Variants in RETSAT observed in about 807,000 individuals in gnomAD.
RETSAT encodes the protein retinol saturase.
In RETSAT, 35 loss-of-function variants were observed where a neutral mutation model predicts 61.6. That is an observed-to-expected ratio of 0.57 (90% CI 0.43 to 0.75). The LOEUF (loss-of-function observed/expected upper bound fraction) is 0.75, where lower values mean the gene tolerates loss of function less well. Ranked by LOEUF, RETSAT falls within the 30% of genes least tolerant of loss-of-function variation. RETSAT has a pLI of 0.00. For missense variants in RETSAT, 670 were observed against 759.5 expected (o/e 0.88, Z 1.38); for synonymous variants, 277 against 310.4 (o/e 0.89, Z 1.13).
chr2:85,343,570 G>A, intron 10 of RETSAT, 69 bp downstream of exon 10: 1 of 1,589,766 alleles, frequency 6.3e-7, no homozygotes, highest in Non-Finnish European at 8.6e-7. Flanking sequence ...CCTGAGGGCA[G>A]GAACAGAGGA....
rs764840409 is a variant in RETSAT, at chr2:85,344,213, C to T, written c.1366+26G>A. 9.3e-6 allele frequency: 15 copies of T among 1,614,036 alleles called. No individual in the cohort carries two copies. In the African/African-American group the frequency reaches 1.3e-4, roughly 14 times the overall value. ...CTACTGCCCGGCCTCTCCCTCCACC[C>T]CCTCACCCGGGACGTGCAGCCCCAC... is the stretch of plus-strand genomic sequence containing the variant. On this transcript the variant is annotated intron_variant, in intron 8 of 10. Coordinates refer to ENST00000295802, the MANE Select transcript of RETSAT (RefSeq NM_017750.4).
intron 1 of RETSAT, among the ~76,000 whole-genome samples, chr2:85,353,272 G>A (rs1683345086): frequency 6.6e-6 from 1 of 152,220 alleles, no homozygotes; most frequent in Non-Finnish European, 1.5e-5. Context: ...TGACAACATG[G>A]TGAAACCCTG....
At chr2:85,346,462 C>T (rs550622851) in intron 5 of RETSAT, among the ~76,000 whole-genome samples, 3 of 152,278 alleles carry the variant, frequency 2.0e-5, no homozygotes, top group African/African-American at 7.2e-5. Context: ...CTTTAATACC[C>T]TCCAATCGGG....
intron 2 of RETSAT, chr2:85,351,336 G>A: frequency 2.3e-6 from 1 of 442,354 alleles, no homozygotes. Flanking sequence ...GACCAGCCTG[G>A]ACAACATGGA....
In RETSAT at chr2:85,343,032, G is replaced by A. The variant is rs1391579872; in HGVS notation, c.*210C>T. Reference sequence around the variant, plus strand: ...TTAGTAGGGATGGCATGTTATAAAAGGCGTAAAGATCTCACCTGCCCCAGC... The same window carrying A: ...TTAGTAGGGATGGCATGTTATAAAAAGCGTAAAGATCTCACCTGCCCCAGC... On this transcript the variant is annotated 3_prime_UTR_variant, in exon 11 of 11. Coordinates refer to ENST00000295802, the MANE Select transcript of RETSAT (RefSeq NM_017750.4). 1.8e-6 allele frequency: 1 copy of A among 545,888 alleles called. No individual in the cohort carries two copies. The highest frequency in any genetic ancestry group is 1.9e-5 in the African/African-American group (1 of 52,998). 33.8% of individuals were successfully genotyped at this position (545,888 alleles called of 1,614,324 possible). A position where few individuals can be genotyped will look rare whatever the true frequency, so the allele number is the denominator to read the frequency against.
At chr2:85,345,585 A>C in intron 6 of RETSAT, 1 of 354,146 alleles carries the variant, frequency 2.8e-6, no homozygotes. Flanking sequence ...AGGTGGCGGG[A>C]CCTCTTAGCT....
At chr2:85,350,686 G>A (rs968841950) in intron 3 of RETSAT, 94 bp downstream of exon 3, 34 of 1,439,700 alleles carry the variant, frequency 2.4e-5, no homozygotes, top group African/African-American at 5.6e-5. Context: ...CCTGCCTCCC[G>A]CACTGCACTC....
At chr2:85,345,859 G>A (rs1300136864) in intron 6 of RETSAT, 116 bp downstream of exon 6, 1 of 1,316,544 alleles carries the variant, frequency 7.6e-7, no homozygotes, top group Non-Finnish European at 1.1e-6. Flanking sequence ...GTTGCTTAAG[G>A]ACAATCAGAG....
At chr2:85,348,649 AAAG>A (rs1683244316) in intron 5 of RETSAT, among the ~76,000 whole-genome samples, 1 of 151,432 alleles carries the variant, frequency 6.6e-6, no homozygotes, top group South Asian at 2.1e-4. Flanking sequence ...AAAAAAAAAA[AAAG>A]AAGACAGTCA....
intron 5 of RETSAT, among the ~76,000 whole-genome samples, chr2:85,348,943 G>T (rs1683252584): frequency 6.6e-6 from 1 of 151,734 alleles, no homozygotes; most frequent in East Asian, 2.0e-4. Context: ...TAGAGACGGG[G>T]TTTCACCGTA....
At chr2:85,348,863 G>A (rs1221089119) in intron 5 of RETSAT, among the ~76,000 whole-genome samples, 8 of 150,692 alleles carry the variant, frequency 5.3e-5, no homozygotes, top group Admixed American at 1.3e-4. Context: ...CAATTCTTCC[G>A]CCTCAGCCTC....
rs1414589594 is a variant in RETSAT at position 85,350,837 on chromosome 2, G to A, written c.540C>T (p.Leu180=). The A allele has an allele frequency of 6.2e-7, 1 of 1,614,126 alleles. No homozygotes were observed. Among genetic ancestry groups the A allele is most frequent in the African/African-American group, 1.3e-5 (1 of 75,024 alleles). ...YSGEKAYIQG[L]KEKFPQEEAI... is the part of the protein sequence containing the mutation. ...CTTCCTCCTGTGGAAACTTCTCCTT[G>A]AGGCCCTGAATGTAGGCTTTCTCTC... The change falls in exon 3 of 11, where the codon CTC becomes CTT. Residue 180 remains leucine (L), a synonymous_variant. Coordinates refer to ENST00000295802, the MANE Select transcript of RETSAT (RefSeq NM_017750.4).
At chr2:85,349,951 G>GCC in intron 4 of RETSAT, 89 bp downstream of exon 4, 6 of 1,319,092 alleles carry the variant, frequency 4.5e-6, no homozygotes. Context: ...ATATCAGTCA[G>GCC]CCAGGCAGGG....
At chr2:85,349,360 G>C in intron 5 of RETSAT, 24 bp downstream of exon 5, 1 of 1,612,970 alleles carries the variant, frequency 6.2e-7, no homozygotes, top group Non-Finnish European at 8.5e-7. Flanking sequence ...GACCCAGAAG[G>C]GCAGGGCGGG....
At chr2:85,349,765 G>T in intron 4 of RETSAT, 184 bp from the exon 5 acceptor site, 1 of 646,196 alleles carries the variant, frequency 1.5e-6, no homozygotes, top group Non-Finnish European at 2.7e-6. Flanking sequence ...AGATCTTGGC[G>T]CCAGTAGGAA....
Position 85,344,054 on chromosome 2 carries a change from AAGG to A in RETSAT, c.1475_1477del (p.Ser492del), listed in dbSNP as rs1252547279. 1.9e-6 allele frequency: 3 copies of A among 1,613,974 alleles called. No individual in the cohort carries two copies. The highest frequency in any genetic ancestry group is 2.5e-6 in the Non-Finnish European group (3 of 1,180,018). ...GACCACTGACATAGAGGCTTCCACA[AAGG>A]AGTTTTTGAAGGTCTCATAGTCACT... On this transcript the variant is annotated inframe_deletion, in exon 9 of 11. Coordinates refer to ENST00000295802, the MANE Select transcript of RETSAT (RefSeq NM_017750.4).
intron 5 of RETSAT, among the ~76,000 whole-genome samples, chr2:85,347,062 C>T (rs949639070): frequency 3.3e-5 from 5 of 152,186 alleles, no homozygotes; most frequent in African/African-American, 1.2e-4. Context: ...CACCTTTGCA[C>T]ATGCTGCTTC....
chr2:85,344,435 C>G, intron 7 of RETSAT, 87 bp from the exon 8 acceptor site: 2 of 1,524,146 alleles, frequency 1.3e-6, no homozygotes, highest in Non-Finnish European at 1.8e-6. Context: ...TCCCTAGGGA[C>G]TCCCCACAGG....
At chr2:85,350,490 G>C (rs924744336) in intron 3 of RETSAT, among the ~76,000 whole-genome samples, 1 of 152,140 alleles carries the variant, frequency 6.6e-6, no homozygotes, top group African/African-American at 2.4e-5. Context: ...GGTCTCGGAT[G>C]CAGTAAAAAG....
Sources: gnomAD v4.1 joint callset for allele counts (sites outside exome capture counted in the v4.1 genomes callset) on GRCh38, gnomAD v4.1.1 for gene constraint, MANE v1.5 for transcripts, NCBI Gene and HGNC (gene_info 2026-07-23, HGNC 2026-07-21) for gene names.